The following ENPP3 variants were observed in gnomAD, a reference collection of about 807,000 sequenced individuals.
ENPP3 encodes ectonucleotide pyrophosphatase/phosphodiesterase family member 3.
ENPP3 carries 104 observed loss-of-function variants against 117.8 expected under a neutral mutation model. That is an observed-to-expected ratio of 0.88 (90% confidence interval 0.75 to 1.04). The LOEUF (loss-of-function observed/expected upper bound fraction) is 1.04, where lower values mean the gene tolerates loss of function less well. Ranked by LOEUF, ENPP3 falls within the 50% of genes least tolerant of loss-of-function variation. The pLI, the probability that ENPP3 is intolerant of heterozygous loss-of-function variation, is 0.00. For missense variants in ENPP3, 1,026 were observed against 1,051.9 expected (o/e 0.98, Z 0.34); for synonymous variants, 380 against 349.9 (o/e 1.09, Z -0.96).
chr6:131,694,969 C>T (rs891151456), intron 15 of ENPP3, among the ~76,000 whole-genome samples: 1 of 151,094 alleles, frequency 6.6e-6, no homozygotes, highest in African/African-American at 2.5e-5. Flanking sequence ...TAAGCCTATT[C>T]TGTAAGATAA....
In ENPP3 at chr6:131,676,731, T is replaced by C. The variant is rs1778875974; in HGVS notation, c.873-5T>C. 1.3e-6 allele frequency: 2 copies of C among 1,583,076 alleles called. No individual in the cohort carries two copies. The stretch of plus-strand genomic sequence containing the variant: ...TAAAGAATTATTTCTACCCTATTTT[T>C]TCAGAAGTGTCCCATTTGAAGAGAG... On this transcript the variant is annotated splice_polypyrimidine_tract_variant and splice_region_variant and intron_variant, in intron 9 of 24. Transcript: ENST00000357639.
At chr6:131,661,230 T>C (rs1778492986) in intron 6 of ENPP3, among the ~76,000 whole-genome samples, 1 of 152,274 alleles carries the variant, frequency 6.6e-6, no homozygotes, top group South Asian at 2.1e-4. Flanking sequence ...TTCAACCCTT[T>C]TGGATACTCA....
Position 131,718,690 on chromosome 6 carries a change from T to C in ENPP3, c.1431T>C (p.Asn477=), listed in dbSNP as rs765701391. The C allele has an allele frequency of 1.3e-6, 2 of 1,599,462 alleles. No homozygotes were observed. Among genetic ancestry groups the C allele is most frequent in the Admixed American group, 1.7e-5 (1 of 59,598 alleles). Residue 477 remains asparagine, a synonymous_variant, in exon 16 of 25, where the codon AAT becomes AAC. Coordinates refer to ENST00000357639, the MANE Select transcript of ENPP3 (RefSeq NM_005021.5). ...TTTATAGGAGTAAATCAAATACAAA[T>C]TGTGGAGGAGGCAACCATGGTTATA... ...WLAVRSKSNT[N]CGGGNHGYNN...
chr6:131,738,106 G>T lies in ENPP3; in HGVS notation c.2243G>T (p.Gly748Val). The change falls in exon 23 of 25, where the codon GGA becomes GTA. Residue 748 changes from glycine to valine, a missense_variant. By Grantham distance (109) the Gly-to-Val change is moderately radical. Transcript: ENST00000357639. ...AGAAATGGAGTAAATGTGGTTAGTG[G>T]ACCAATATTTGATTATAATTATGAT... The part of the protein sequence containing the change: ...TERNGVNVVS[G>V]PIFDYNYDGH... The T allele has an allele frequency of 6.2e-7, 1 of 1,607,490 alleles. No homozygotes were observed. The highest frequency in any genetic ancestry group is 1.1e-5 in the South Asian group (1 of 90,668).
Position 131,674,285 on chromosome 6 carries a change from T to C in ENPP3, c.762+4T>C, listed in dbSNP as rs201743449. 3,166 of 1,613,670 alleles carry C rather than the reference T, an allele frequency of 2.0e-3. 9 individuals carry two copies. Among genetic ancestry groups the C allele is most frequent in the Non-Finnish European group, 2.4e-3 (2,790 of 1,179,654 alleles). On this transcript the variant is annotated splice_donor_region_variant and intron_variant, in intron 8 of 24. Transcript: ENST00000357639. ...AGCCTGGTGGCATGGGCAACCAGTATGTAGCATTCTACACGTCGCAACTGA... is the reference window on the plus strand; with the variant it reads ...AGCCTGGTGGCATGGGCAACCAGTACGTAGCATTCTACACGTCGCAACTGA...
intron 17 of ENPP3, among the ~76,000 whole-genome samples, chr6:131,720,595 T>C (rs1173152075): frequency 6.6e-6 from 1 of 152,184 alleles, no homozygotes; most frequent in Non-Finnish European, 1.5e-5. Context: ...TTTATTTTCA[T>C]TTTTGAGATG....
chr6:131,693,991 G>T (rs1779347538), intron 15 of ENPP3, among the ~76,000 whole-genome samples: 1 of 152,120 alleles, frequency 6.6e-6, no homozygotes, highest in African/African-American at 2.4e-5. Flanking sequence ...TAAGACCTTT[G>T]TCATCTTTGT....
chr6:131,680,789 G>A (rs1296843860), intron 11 of ENPP3, among the ~76,000 whole-genome samples: 2 of 152,152 alleles, frequency 1.3e-5, no homozygotes, highest in Non-Finnish European at 2.9e-5. Context: ...CCCATTATAG[G>A]AATTTCTTGT....
intron 14 of ENPP3, among the ~76,000 whole-genome samples, chr6:131,692,441 G>T (rs1405392825): frequency 6.6e-6 from 1 of 151,864 alleles, no homozygotes; most frequent in Non-Finnish European, 1.5e-5. Context: ...CCATTGACTT[G>T]ATCGGAAAAC....
chr6:131,669,642 C>G (rs192509103), intron 6 of ENPP3, among the ~76,000 whole-genome samples: 322 of 115,242 alleles, frequency 2.8e-3, no homozygotes, highest in African/African-American at 0.01. Flanking sequence ...GGTGACAGAG[C>G]GAGACTCCAT....
intron 14 of ENPP3, among the ~76,000 whole-genome samples, chr6:131,689,878 C>T (rs1277527406): frequency 6.6e-6 from 1 of 152,048 alleles, no homozygotes; most frequent in African/African-American, 2.4e-5. Flanking sequence ...GAAGTTGATT[C>T]CAACCCTCCT....
rs1195234357 is a variant in ENPP3, at chr6:131,747,156, G to C, written c.*200G>C. 2.7e-5 allele frequency: 10 copies of C among 376,894 alleles called. No homozygotes were observed. Among genetic ancestry groups the C allele is most frequent in the Non-Finnish European group, 1.4e-5 (3 of 215,986 alleles). The allele number at this position is 376,894 out of a possible 1,614,324, so 23.3% of individuals were successfully genotyped here. A position where few individuals can be genotyped will look rare whatever the true frequency, so the allele number is the denominator to read the frequency against. On this transcript the variant is annotated 3_prime_UTR_variant, in exon 25 of 25. Coordinates refer to ENST00000357639, the MANE Select transcript of ENPP3 (RefSeq NM_005021.5). ...ATTTTAAAGTTATATTTTTCACACAGAGATGATGCTATATTACACCTTCCC... is the reference window on the plus strand; with the variant it reads ...ATTTTAAAGTTATATTTTTCACACACAGATGATGCTATATTACACCTTCCC...
chr6:131,665,591 CT>C (rs1458392570), intron 6 of ENPP3, among the ~76,000 whole-genome samples: 1 of 151,970 alleles, frequency 6.6e-6, no homozygotes, highest in African/African-American at 2.4e-5. Flanking sequence ...GTAATGTCTC[CT>C]CTTTCTGATT....
intron 5 of ENPP3, among the ~76,000 whole-genome samples, chr6:131,657,498 G>A (rs1778410564): frequency 6.6e-6 from 1 of 152,168 alleles, no homozygotes. Flanking sequence ...AGTAGAATAA[G>A]TTCTGGTTTA....
chr6:131,729,426 T>C (rs1375184364), intron 20 of ENPP3, among the ~76,000 whole-genome samples: 1 of 152,226 alleles, frequency 6.6e-6, no homozygotes, highest in Non-Finnish European at 1.5e-5. Flanking sequence ...CTGTTCAGGT[T>C]CTACTTTGTT....
chr6:131,723,070 G>T (rs1780070413), intron 18 of ENPP3, among the ~76,000 whole-genome samples: 1 of 152,158 alleles, frequency 6.6e-6, no homozygotes, highest in Admixed American at 6.5e-5. Context: ...GGATGGGGTT[G>T]GGATTTCAGA....
At chr6:131,689,332 CTT>C (rs1347494276) in intron 14 of ENPP3, among the ~76,000 whole-genome samples, 1 of 152,104 alleles carries the variant, frequency 6.6e-6, no homozygotes, top group Admixed American at 6.6e-5. Context: ...CAGGCTGACT[CTT>C]TTTTTAGGGG....
intron 15 of ENPP3, among the ~76,000 whole-genome samples, chr6:131,697,085 A>T (rs535196266): frequency 2.0e-5 from 3 of 152,192 alleles, no homozygotes; most frequent in African/African-American, 7.2e-5. Flanking sequence ...TTTTAAAGCC[A>T]GCAGTAGCTC....
intron 19 of ENPP3, among the ~76,000 whole-genome samples, chr6:131,725,838 A>T (rs1268241934): frequency 6.6e-6 from 1 of 152,098 alleles, no homozygotes; most frequent in Non-Finnish European, 1.5e-5. Context: ...TGGAGTAATA[A>T]CACCAATATT....
Sources: gnomAD v4.1 joint callset for allele counts (sites outside exome capture counted in the v4.1 genomes callset) on GRCh38, gnomAD v4.1.1 for gene constraint, MANE v1.5 for transcripts, NCBI Gene and HGNC (gene_info 2026-07-23, HGNC 2026-07-21) for gene names.